LRBA: variants seen among roughly 807,000 people sequenced by gnomAD.
The protein encoded by LRBA is lipopolysaccharide-responsive and beige-like anchor protein.
A neutral mutation model predicts 330.0 loss-of-function variants in LRBA; 176 were observed. The ratio of observed to expected loss-of-function variants is 0.53; its 90% confidence interval spans 0.47 to 0.60. The LOEUF (loss-of-function observed/expected upper bound fraction) is 0.60. LRBA is among the 20% of genes least tolerant of loss of function. The pLI, the probability that LRBA is intolerant of heterozygous loss-of-function variation, is 0.00. For missense variants in LRBA, 3,259 were observed against 3,444.8 expected (o/e 0.95, Z 1.35); for synonymous variants, 1,230 against 1,193.0 (o/e 1.03, Z -0.64).
At chr4:150,830,850 G>A (rs1226044943) in intron 29 of LRBA, among the ~76,000 whole-genome samples, 4 of 142,558 alleles carry the variant, frequency 2.8e-5, no homozygotes, top group Non-Finnish European at 4.5e-5. Flanking sequence ...TGCAACCTCT[G>A]CCTCCCAAGT....
intron 47 of LRBA, among the ~76,000 whole-genome samples, chr4:150,391,063 A>G (rs904187281): frequency 6.6e-6 from 1 of 152,184 alleles, no homozygotes; most frequent in African/African-American, 2.4e-5. Context: ...AGGTGATGAC[A>G]TTTTAGAAAG....
In LRBA at chr4:150,525,075, G is replaced by A. The variant is rs147563702; in HGVS notation, c.6331-34040C>T. Among the ~76,000 whole-genome samples, 8 of 152,128 alleles carry A rather than the reference G, an allele frequency of 5.3e-5. No homozygotes were observed. The East Asian group carries it at 1.2e-3, about 22-fold the overall frequency. On this transcript the variant is annotated intron_variant, in intron 40 of 56. Transcript: ENST00000651943. ...TTACAAAGGTCTAATTCTACTAAGA[G>A]CAAATGTTAAAATAGATTTCAATTC... is the stretch of plus-strand genomic sequence containing the variant.
chr4:151,003,617 C>T (rs1373912139), intron 2 of LRBA, among the ~76,000 whole-genome samples: 1 of 151,806 alleles, frequency 6.6e-6, no homozygotes, highest in Non-Finnish European at 1.5e-5. Flanking sequence ...CAGCCCCCGC[C>T]CCTTCTCTGC....
intron 36 of LRBA, among the ~76,000 whole-genome samples, chr4:150,703,780 G>A (rs952491470): frequency 6.0e-5 from 9 of 151,138 alleles, no homozygotes; most frequent in African/African-American, 1.9e-4. Context: ...CCATAAACAT[G>A]TAAAAATTAC....
chr4:150,545,929 T>TA (rs1434540126), intron 40 of LRBA, among the ~76,000 whole-genome samples: 8 of 144,748 alleles, frequency 5.5e-5, no homozygotes, highest in African/African-American at 1.8e-4. Context: ...AAAGAAAAAG[T>TA]TTTTTTTTTT....
At chr4:150,897,007 A>C (rs1164140113) in intron 15 of LRBA, among the ~76,000 whole-genome samples, 1 of 151,234 alleles carries the variant, frequency 6.6e-6, no homozygotes, top group Non-Finnish European at 1.5e-5. Flanking sequence ...AAAAAAAAAA[A>C]CACCACAAGA....
At chr4:150,444,808 T>TATGTACACAATTTAG (rs2152014913) in intron 44 of LRBA, among the ~76,000 whole-genome samples, 1 of 152,340 alleles carries the variant, frequency 6.6e-6, no homozygotes, top group Non-Finnish European at 1.5e-5. Flanking sequence ...TTATTGTGCC[T>TATGTACACAATTTAG]ATGTAGAATC....
chr4:150,292,083 C>T (rs1407291102), intron 53 of LRBA, among the ~76,000 whole-genome samples: 3 of 152,264 alleles, frequency 2.0e-5, no homozygotes, highest in East Asian at 1.9e-4. Context: ...GAATAGCAAA[C>T]GTTTTCATTA....
chr4:150,700,451 T>C (rs1234775989), intron 36 of LRBA, among the ~76,000 whole-genome samples: 1 of 152,174 alleles, frequency 6.6e-6, no homozygotes, highest in African/African-American at 2.4e-5. Context: ...ATACCATGAA[T>C]GGAGTTTGCA....
At chr4:150,648,860 C>A (rs1250312201) in intron 37 of LRBA, among the ~76,000 whole-genome samples, 1 of 152,048 alleles carries the variant, frequency 6.6e-6, no homozygotes, top group Non-Finnish European at 1.5e-5. Context: ...TTCCTACTTT[C>A]CTCCACATAA....
rs190286909 is a variant in LRBA, at chr4:150,388,690, A to G, written c.7194+26748T>C. 1.8e-3 allele frequency among the ~76,000 whole-genome samples: 275 copies of G among 152,342 alleles called. 1 individual carries two copies. Among genetic ancestry groups the G allele is most frequent in the Admixed American group, 3.3e-3 (51 of 15,300 alleles). ...AGCATTAAGTGAGATTACATACAATAAAGTGCTTAAACTAGTTCATGAATA... is the reference window on the plus strand; with the variant it reads ...AGCATTAAGTGAGATTACATACAATGAAGTGCTTAAACTAGTTCATGAATA... On this transcript the variant is annotated intron_variant, in intron 47 of 56. Transcript: ENST00000651943.
intron 47 of LRBA, among the ~76,000 whole-genome samples, chr4:150,369,657 T>C (rs1278133313): frequency 1.4e-5 from 2 of 137,942 alleles, no homozygotes; most frequent in Non-Finnish European, 3.2e-5. Context: ...TTTAGATTCA[T>C]TGAAAGAACT....
At chr4:150,617,770 A>G (rs1775908531) in intron 37 of LRBA, among the ~76,000 whole-genome samples, 1 of 152,176 alleles carries the variant, frequency 6.6e-6, no homozygotes, top group Non-Finnish European at 1.5e-5. Flanking sequence ...GTTCATTGCT[A>G]TAGCCACTAA....
At chr4:150,965,836 G>A (rs150273855) in intron 2 of LRBA, among the ~76,000 whole-genome samples, 30 of 152,156 alleles carry the variant, frequency 2.0e-4, no homozygotes, top group African/African-American at 7.0e-4. Context: ...GAGCCACTGG[G>A]CCTGACCTAG....
chr4:150,288,945 C>G (rs1044319722), intron 53 of LRBA, among the ~76,000 whole-genome samples: 2 of 152,204 alleles, frequency 1.3e-5, no homozygotes, highest in South Asian at 2.1e-4. Context: ...ACAAAGTAAA[C>G]AAAGGACAGA....
chr4:150,276,627 C>G (rs1746807296), intron 56 of LRBA, among the ~76,000 whole-genome samples: 1 of 152,172 alleles, frequency 6.6e-6, no homozygotes, highest in Non-Finnish European at 1.5e-5. Flanking sequence ...TATGAACAGA[C>G]ACTTCTCAAA....
chr4:150,686,401 A>C (rs537721089), intron 36 of LRBA, among the ~76,000 whole-genome samples: 26 of 152,370 alleles, frequency 1.7e-4, no homozygotes, highest in Non-Finnish European at 3.1e-4. Context: ...CTTTGTCAAA[A>C]ATATGATTTG....
intron 35 of LRBA, among the ~76,000 whole-genome samples, chr4:150,755,540 A>G (rs904704662): frequency 1.3e-5 from 2 of 152,194 alleles, no homozygotes; most frequent in Admixed American, 6.5e-5. Flanking sequence ...TATTTAACAA[A>G]TTACAAGATT....
At chr4:150,465,902 G>A (rs577721442) in intron 44 of LRBA, among the ~76,000 whole-genome samples, 1 of 152,124 alleles carries the variant, frequency 6.6e-6, no homozygotes, top group African/African-American at 2.4e-5. Flanking sequence ...TGTATTCAAT[G>A]ATTTTGCTTA....
Sources: gnomAD v4.1 joint callset for allele counts (sites outside exome capture counted in the v4.1 genomes callset) on GRCh38, gnomAD v4.1.1 for gene constraint, MANE v1.5 for transcripts, NCBI Gene and HGNC (gene_info 2026-07-23, HGNC 2026-07-21) for gene names.